Variants in CYRIA observed in about 807,000 individuals in gnomAD.
CYRIA encodes the protein CYFIP related Rac1 interactor A.
In CYRIA, 15 loss-of-function variants were observed where a neutral mutation model predicts 43.9. The observed-to-expected ratio is 0.34, with a 90% CI of 0.23 to 0.53. The LOEUF (loss-of-function observed/expected upper bound fraction) is 0.53. CYRIA is among the 20% of genes least tolerant of loss of function. The pLI is 0.94. For synonymous variants in CYRIA, 117 were observed against 136.0 expected (o/e 0.86, Z 0.97); for missense variants, 236 against 394.2 (o/e 0.60, Z 3.40).
At chr2:16,621,705 T>G (rs1212039955) in intron 2 of CYRIA, among the ~76,000 whole-genome samples, 2 of 152,178 alleles carry the variant, frequency 1.3e-5, no homozygotes, top group African/African-American at 4.8e-5. Context: ...GCTCCCTCAC[T>G]TTCTCCAGAT....
intron 9 of CYRIA, chr2:16,560,678 A>C: frequency 2.6e-6 from 1 of 383,608 alleles, no homozygotes; most frequent in South Asian, 3.1e-5. Context: ...ATGATGTCCC[A>C]TCATTTAACA....
chr2:16,598,415 G>T (rs1668085262), intron 2 of CYRIA, among the ~76,000 whole-genome samples: 1 of 78,334 alleles, frequency 1.3e-5, no homozygotes, highest in Admixed American at 1.4e-4. Flanking sequence ...ATATTTCTTG[G>T]AGGCTTTGCT....
intron 2 of CYRIA, among the ~76,000 whole-genome samples, chr2:16,609,409 A>C (rs766686438): frequency 8.5e-5 from 13 of 152,226 alleles, no homozygotes; most frequent in Admixed American, 3.9e-4. Context: ...GATTAGCCAG[A>C]AGACCCTGGG....
chr2:16,590,068 GCACACACA>G (rs70961461), intron 2 of CYRIA, among the ~76,000 whole-genome samples: 1 of 147,708 alleles, frequency 6.8e-6, no homozygotes, highest in Non-Finnish European at 1.5e-5. Flanking sequence ...GGGCATGCAT[GCACACACA>G]CACACACACA....
chr2:16,642,052 C>A (rs1669692901), intron 1 of CYRIA, among the ~76,000 whole-genome samples: 1 of 152,186 alleles, frequency 6.6e-6, no homozygotes, highest in African/African-American at 2.4e-5. Context: ...AATATTGGCA[C>A]TTCCCAGGAC....
At chr2:16,566,842 C>T (rs984342556) in intron 3 of CYRIA, among the ~76,000 whole-genome samples, 1 of 152,122 alleles carries the variant, frequency 6.6e-6, no homozygotes, top group Non-Finnish European at 1.5e-5. Context: ...GGTTATCTCC[C>T]TGGCCTAGTA....
At chr2:16,622,506 C>G (rs1461195214) in intron 2 of CYRIA, among the ~76,000 whole-genome samples, 7 of 152,286 alleles carry the variant, frequency 4.6e-5, no homozygotes, top group African/African-American at 1.4e-4. Context: ...ATTCAAGTAG[C>G]TCTAAAAAAG....
At chr2:16,651,212 C>T (rs569904219) in intron 1 of CYRIA, among the ~76,000 whole-genome samples, 6 of 152,300 alleles carry the variant, frequency 3.9e-5, no homozygotes, top group African/African-American at 1.4e-4. Flanking sequence ...AGGCTGACTT[C>T]TAACACCTCC....
chr2:16,593,768 C>G (rs1668017357), intron 2 of CYRIA, among the ~76,000 whole-genome samples: 1 of 125,924 alleles, frequency 7.9e-6, no homozygotes, highest in Non-Finnish European at 1.6e-5. Flanking sequence ...GGTACATGTG[C>G]ACATTGTGCA....
chr2:16,652,102 T>A (rs1325584018), intron 1 of CYRIA, among the ~76,000 whole-genome samples: 1 of 152,224 alleles, frequency 6.6e-6, no homozygotes, highest in East Asian at 1.9e-4. Context: ...ACTCCACAAC[T>A]TTGTAACTAT....
chr2:16,588,351 T>C (rs1391871109), intron 2 of CYRIA, among the ~76,000 whole-genome samples: 1 of 150,862 alleles, frequency 6.6e-6, no homozygotes, highest in Non-Finnish European at 1.5e-5. Flanking sequence ...GCCTAAGCCA[T>C]AAAAATTATG....
chr2:16,643,579 G>A (rs893001168), intron 1 of CYRIA, among the ~76,000 whole-genome samples: 5 of 152,172 alleles, frequency 3.3e-5, no homozygotes, highest in Non-Finnish European at 5.9e-5. Context: ...TTGTGTACAC[G>A]TTCCCTCTTC....
chr2:16,572,330 A>T lies in CYRIA; in HGVS notation c.71-6563T>A, dbSNP rs113610179. 2.6e-3 allele frequency among the ~76,000 whole-genome samples: 384 copies of T among 147,842 alleles called. 2 individuals carry two copies. Among genetic ancestry groups the T allele is most frequent in the African/African-American group, 9.2e-3 (367 of 39,940 alleles). On this transcript the variant is annotated intron_variant, in intron 3 of 11. Coordinates refer to ENST00000381323, the MANE Select transcript of CYRIA (RefSeq NM_030797.4). ...AAAAAGCAAAAGTGCCAAAAAATGA[A>T]TTTTTTTTTTTTTGTCACGGAATCT... is the stretch of plus-strand genomic sequence containing the variant.
At chr2:16,634,675 G>T (rs1669438210) in intron 1 of CYRIA, among the ~76,000 whole-genome samples, 2 of 149,918 alleles carry the variant, frequency 1.3e-5, no homozygotes, top group South Asian at 4.2e-4. Flanking sequence ...TGTCTGGGGG[G>T]TGGCAGAACA....
intron 1 of CYRIA, among the ~76,000 whole-genome samples, chr2:16,662,234 C>T (rs916260354): frequency 6.6e-6 from 1 of 152,182 alleles, no homozygotes; most frequent in African/African-American, 2.4e-5. Flanking sequence ...GGCTAGAATT[C>T]ATCCAAAGAG....
At chr2:16,633,699 G>A (rs1038888263) in intron 1 of CYRIA, among the ~76,000 whole-genome samples, 2 of 151,792 alleles carry the variant, frequency 1.3e-5, no homozygotes, top group African/African-American at 2.4e-5. Context: ...ACTTTCTGAC[G>A]GGACTGTTAC....
rs1305251053 is a variant in CYRIA at position 16,650,137 on chromosome 2, C to T, written c.-167+15643G>A. On this transcript the variant is annotated intron_variant, in intron 1 of 11. Coordinates refer to ENST00000381323, the MANE Select transcript of CYRIA (RefSeq NM_030797.4). The surrounding 1 kb of genome is among the most constrained non-coding windows in gnomAD (Gnocchi z 4.1). ...ACACGTGGCACAGCAAGACAGTCGT[C>T]GCCATCAGCCACTGAGATTTGGGGG... Among the ~76,000 whole-genome samples, 3 of 152,190 alleles carry T rather than the reference C, an allele frequency of 2.0e-5. No individual in the cohort carries two copies. The highest frequency in any genetic ancestry group is 2.1e-4 in the South Asian group (1 of 4,830).
At chr2:16,586,435 G>T (rs1667730856) in intron 3 of CYRIA, among the ~76,000 whole-genome samples, 1 of 151,842 alleles carries the variant, frequency 6.6e-6, no homozygotes, top group Non-Finnish European at 1.5e-5. Context: ...CAGTAAAAAG[G>T]CCCATTTTAT....
At chr2:16,642,486 C>T (rs1356910335) in intron 1 of CYRIA, among the ~76,000 whole-genome samples, 1 of 152,204 alleles carries the variant, frequency 6.6e-6, no homozygotes, top group African/African-American at 2.4e-5. Context: ...CCATCAAGAA[C>T]ACGCTGCCGC....
Sources: gnomAD v4.1 joint callset for allele counts (sites outside exome capture counted in the v4.1 genomes callset) on GRCh38, gnomAD v4.1.1 for gene constraint, Gnocchi (gnomAD v3.1) non-coding constraint, MANE v1.5 for transcripts, NCBI Gene and HGNC (gene_info 2026-07-23, HGNC 2026-07-21) for gene names.